Variants in OLFM3 observed in about 807,000 individuals in gnomAD.
OLFM3 encodes olfactomedin 3.
OLFM3 carries 20 observed loss-of-function variants against 48.6 expected under a neutral mutation model. The ratio of observed to expected loss-of-function variants is 0.41; its 90% confidence interval spans 0.29 to 0.60. OLFM3 has a LOEUF of 0.60. Among genes scored for constraint, OLFM3 ranks in the 20% least tolerant of loss-of-function variants. The probability of loss-of-function intolerance (pLI) is 0.28; values close to 1 mark genes in which losing one functional copy is unlikely to be tolerated. For missense variants in OLFM3, 437 were observed against 544.3 expected (o/e 0.80, Z 1.96); for synonymous variants, 222 against 198.1 (o/e 1.12, Z -1.01).
intron 1 of OLFM3, among the ~76,000 whole-genome samples, chr1:101,974,153 G>A (rs1660885707): frequency 7.1e-6 from 1 of 141,802 alleles, no homozygotes; most frequent in Non-Finnish European, 1.6e-5. Flanking sequence ...GGATCACGGT[G>A]GATGCTAAAA....
intron 1 of OLFM3, among the ~76,000 whole-genome samples, chr1:101,932,347 C>T (rs565122334): frequency 6.6e-6 from 1 of 152,250 alleles, no homozygotes; most frequent in Admixed American, 6.5e-5. Flanking sequence ...TGACTGGATG[C>T]AGCCAGGAGA....
chr1:101,969,446 G>A (rs1273864120), intron 1 of OLFM3, among the ~76,000 whole-genome samples: 2 of 152,008 alleles, frequency 1.3e-5, no homozygotes, highest in Non-Finnish European at 2.9e-5. Flanking sequence ...GGAATTACAG[G>A]TGTAAGCCAC....
intron 1 of OLFM3, among the ~76,000 whole-genome samples, chr1:101,867,885 A>C (rs1656919035): frequency 6.6e-6 from 1 of 152,092 alleles, no homozygotes; most frequent in Non-Finnish European, 1.5e-5. Context: ...AAATTGAATC[A>C]TGGGGCAGTT....
chr1:101,898,735 G>C (rs901302284), intron 1 of OLFM3, among the ~76,000 whole-genome samples: 1 of 152,040 alleles, frequency 6.6e-6, no homozygotes, highest in African/African-American at 2.4e-5. Context: ...TGTAGTCCCA[G>C]CTACTCAGGA....
chr1:101,836,837 C>T (rs367954156), intron 2 of OLFM3, 42 bp downstream of exon 2: 505 of 1,593,690 alleles, frequency 3.2e-4, no homozygotes, highest in Non-Finnish European at 4.2e-4. Context: ...AAAGAATGGT[C>T]GATTTTACTA....
intron 1 of OLFM3, among the ~76,000 whole-genome samples, chr1:101,881,610 T>C (rs1185571946): frequency 6.6e-6 from 1 of 151,832 alleles, no homozygotes; most frequent in Admixed American, 6.6e-5. Context: ...CACCCTGTAG[T>C]TTTATAGTTC....
intron 1 of OLFM3, among the ~76,000 whole-genome samples, chr1:101,912,073 A>T (rs929771865): frequency 2.0e-5 from 3 of 152,172 alleles, no homozygotes; most frequent in Non-Finnish European, 4.4e-5. Flanking sequence ...AGCATCTCTG[A>T]GCTCTGTCTG....
chr1:101,971,221 G>A (rs567114095), intron 1 of OLFM3, among the ~76,000 whole-genome samples: 4 of 152,344 alleles, frequency 2.6e-5, no homozygotes, highest in Non-Finnish European at 4.4e-5. Flanking sequence ...AGCCAGAGCA[G>A]TAATGAAAGA....
At chr1:101,896,887 G>T (rs1658228813) in intron 1 of OLFM3, among the ~76,000 whole-genome samples, 1 of 151,962 alleles carries the variant, frequency 6.6e-6, no homozygotes, top group Non-Finnish European at 1.5e-5. Flanking sequence ...AAATGCAGTA[G>T]AAAACAACAA....
intron 4 of OLFM3, among the ~76,000 whole-genome samples, chr1:101,806,579 T>C (rs545525448): frequency 6.6e-6 from 1 of 151,884 alleles, no homozygotes; most frequent in Non-Finnish European, 1.5e-5. Context: ...CCTGTCCCCA[T>C]GCTTTGTGAC....
chr1:101,842,624 G>C (rs1191142916), intron 1 of OLFM3, among the ~76,000 whole-genome samples: 1 of 152,214 alleles, frequency 6.6e-6, no homozygotes, highest in East Asian at 1.9e-4. Context: ...GACTTGGGGA[G>C]GTCCTTAGAA....
At chr1:101,943,945 C>T (rs949473045) in intron 1 of OLFM3, among the ~76,000 whole-genome samples, 2 of 151,570 alleles carry the variant, frequency 1.3e-5, no homozygotes, top group Admixed American at 6.6e-5. Context: ...TTGCTTCTTG[C>T]AACATTGCCT....
Position 101,804,916 on chromosome 1 carries a change from C to T in OLFM3, c.700-1G>A. The T allele has an allele frequency of 1.9e-6, 3 of 1,597,776 alleles. No homozygotes were observed. The highest frequency in any genetic ancestry group is 1.7e-6 in the Non-Finnish European group (2 of 1,173,428). On this transcript the variant is annotated splice_acceptor_variant, in intron 5 of 5. Coordinates refer to ENST00000370103, the MANE Select transcript of OLFM3 (RefSeq NM_058170.4). LOFTEE classifies it high-confidence loss of function. This position sits in a 1 kb window ranked among gnomAD's most constrained non-coding sequence, Gnocchi z 4.5. ...TAGTATAACTGTCCATGTACCAGAC[C>T]TGAGAAGAAGGAAAAAAATAAATGG...
At chr1:101,900,813 G>A (rs1658365623) in intron 1 of OLFM3, among the ~76,000 whole-genome samples, 1 of 152,074 alleles carries the variant, frequency 6.6e-6, no homozygotes. Flanking sequence ...GTGGATTGGG[G>A]ATAAAGGTTA....
At chr1:101,922,657 T>C (rs1030199341) in intron 1 of OLFM3, among the ~76,000 whole-genome samples, 33 of 152,182 alleles carry the variant, frequency 2.2e-4, no homozygotes, top group African/African-American at 8.0e-4. Flanking sequence ...GTATTTGTGT[T>C]CTCTGAAGTA....
At chr1:101,944,441 C>G (rs1169741440) in intron 1 of OLFM3, among the ~76,000 whole-genome samples, 1 of 152,116 alleles carries the variant, frequency 6.6e-6, no homozygotes. Context: ...CCTATTCAAG[C>G]AGTGCTTAAA....
At chr1:101,912,351 T>C (rs745728628) in intron 1 of OLFM3, among the ~76,000 whole-genome samples, 1 of 152,196 alleles carries the variant, frequency 6.6e-6, no homozygotes, top group Non-Finnish European at 1.5e-5. Flanking sequence ...CTTTTAATCA[T>C]TTTATGTAAG....
At chr1:101,909,583 A>G (rs1050284618) in intron 1 of OLFM3, among the ~76,000 whole-genome samples, 1 of 152,230 alleles carries the variant, frequency 6.6e-6, no homozygotes, top group East Asian at 1.9e-4. Context: ...CACTTGATTA[A>G]TCTTCATTTG....
At chr1:101,950,385 G>A (rs1260661060) in intron 1 of OLFM3, among the ~76,000 whole-genome samples, 1 of 151,822 alleles carries the variant, frequency 6.6e-6, no homozygotes, top group Non-Finnish European at 1.5e-5. Flanking sequence ...CTTGATGTAG[G>A]TGGATTTCTC....
Sources: gnomAD v4.1 joint callset for allele counts (sites outside exome capture counted in the v4.1 genomes callset) on GRCh38, gnomAD v4.1.1 for gene constraint, Gnocchi (gnomAD v3.1) non-coding constraint, MANE v1.5 for transcripts, NCBI Gene and HGNC (gene_info 2026-07-23, HGNC 2026-07-21) for gene names.